Variants in TTC39C observed in about 807,000 individuals in gnomAD.
TTC39C encodes tetratricopeptide repeat domain 39C.
Under a neutral mutation model 76.3 loss-of-function variants are expected in TTC39C, and 33 were observed. The ratio of observed to expected loss-of-function variants is 0.43; its 90% CI spans 0.33 to 0.58. TTC39C has a LOEUF of 0.58. Among genes scored for constraint, TTC39C ranks in the 20% least tolerant of loss-of-function variants. The probability of loss-of-function intolerance (pLI) is 0.04; values close to 1 mark genes in which losing one functional copy is unlikely to be tolerated. For missense variants in TTC39C, 595 were observed against 701.4 expected, an observed-to-expected ratio of 0.85 and a Z score of 1.71; for synonymous variants, 254 against 260.6, an observed-to-expected ratio of 0.97 and a Z score of 0.24.
chr18:24,080,644 C>G lies in TTC39C; in HGVS notation c.520C>G (p.Leu174Val), dbSNP rs1693601863. 2 of 1,613,944 alleles carry G rather than the reference C, an allele frequency of 1.2e-6. No individual in the cohort carries two copies. Among genetic ancestry groups the G allele is most frequent in the Non-Finnish European group, 8.5e-7 (1 of 1,180,002 alleles). ...KAWKIYNKCY[L>V]DINALQELYQ... is the part of the protein sequence containing the mutation. ...CTGGAAGATTTACAATAAATGCTAT[C>G]TGGACATCAATGCCCTTCAGGAGCT... is the stretch of plus-strand genomic sequence containing the variant. Residue 174 changes from leucine (L) to valine (V), a missense_variant, in exon 5 of 14, where the codon CTG becomes GTG. Transcript: ENST00000317571.
intron 6 of TTC39C, among the ~76,000 whole-genome samples, chr18:24,084,118 G>T (rs772209989): frequency 2.0e-5 from 3 of 152,130 alleles, no homozygotes; most frequent in Non-Finnish European, 4.4e-5. Flanking sequence ...TAAATCTGAA[G>T]ACCATGCAGA....
chr18:24,116,811 A>G (rs2084897323), intron 7 of TTC39C, among the ~76,000 whole-genome samples: 2 of 138,908 alleles, frequency 1.4e-5, no homozygotes, highest in African/African-American at 5.3e-5. Flanking sequence ...CTACCTCTTG[A>G]TACCTTAGTT....
chr18:24,122,140 A>G (rs2084975415), intron 8 of TTC39C, among the ~76,000 whole-genome samples: 1 of 152,060 alleles, frequency 6.6e-6, no homozygotes, highest in Admixed American at 6.6e-5. Flanking sequence ...CTATCCTGGT[A>G]CGTGCACGCC....
At chr18:24,065,780 G>A (rs1371979931) in intron 2 of TTC39C, among the ~76,000 whole-genome samples, 1 of 152,144 alleles carries the variant, frequency 6.6e-6, no homozygotes, top group Non-Finnish European at 1.5e-5. Context: ...AACAGTAATG[G>A]CAAGGACATT....
chr18:24,068,900 C>T (rs1348937840), intron 3 of TTC39C, among the ~76,000 whole-genome samples: 2 of 152,070 alleles, frequency 1.3e-5, no homozygotes, highest in Non-Finnish European at 2.9e-5. Context: ...TGTTGCTTTT[C>T]GTATTTCCCA....
chr18:24,024,468 A>G, intron 1 of TTC39C, among the ~76,000 whole-genome samples: 1 of 152,304 alleles, frequency 6.6e-6, no homozygotes, highest in East Asian at 1.9e-4. Flanking sequence ...GTATGCTTTA[A>G]AATGAAGGAA....
intron 1 of TTC39C, among the ~76,000 whole-genome samples, chr18:24,030,842 C>T (rs984108497): frequency 1.3e-5 from 2 of 152,038 alleles, no homozygotes; most frequent in African/African-American, 2.4e-5. Flanking sequence ...GAGACAGTTT[C>T]GCCATGTTGG....
intron 1 of TTC39C, among the ~76,000 whole-genome samples, chr18:24,037,727 T>C (rs1386066599): frequency 6.6e-6 from 1 of 152,224 alleles, no homozygotes; most frequent in African/African-American, 2.4e-5. Context: ...ATGGTTCCTT[T>C]GGAAATGCAA....
chr18:24,125,413 C>G lies in TTC39C; in HGVS notation c.1297-14C>G. ...TTTTGAAAAATGTAGCCTGTTTATT[C>G]TGACTCCTTGCAGGCAGAGCGATTT... On this transcript the variant is annotated splice_polypyrimidine_tract_variant and intron_variant, in intron 9 of 13. Coordinates refer to ENST00000317571, the MANE Select transcript of TTC39C (RefSeq NM_001135993.2). The G allele has an allele frequency of 6.2e-7, 1 of 1,613,874 alleles. No individual in the cohort carries two copies. The highest frequency in any genetic ancestry group is 8.5e-7 in the Non-Finnish European group (1 of 1,179,926).
intron 1 of TTC39C, among the ~76,000 whole-genome samples, chr18:24,024,079 C>A (rs1327629990): frequency 7.2e-6 from 1 of 139,238 alleles, no homozygotes; most frequent in Non-Finnish European, 1.5e-5. Context: ...AATGGCCGAT[C>A]TTGGCTCACT....
At chr18:24,040,175 G>T (rs1258997627) in intron 1 of TTC39C, among the ~76,000 whole-genome samples, 1 of 152,176 alleles carries the variant, frequency 6.6e-6, no homozygotes, top group East Asian at 1.9e-4. Context: ...TAAAGCAGGG[G>T]ATTCTAAAAA....
At position 24,132,580 on chromosome 18, in the gene TTC39C, C is replaced by T; in HGVS notation, c.*6C>T. ...GGGAATTGGTTCCTCAGTGACAGAC[C>T]CGGAACACCCGCTCCGTCCCTCCCC... On this transcript the variant is annotated 3_prime_UTR_variant, in exon 14 of 14. Coordinates refer to ENST00000317571, the MANE Select transcript of TTC39C (RefSeq NM_001135993.2). 6.2e-7 allele frequency: 1 copy of T among 1,610,776 alleles called. No individual in the cohort carries two copies.
intron 6 of TTC39C, among the ~76,000 whole-genome samples, chr18:24,090,796 A>C (rs748758299): frequency 4.2e-5 from 5 of 119,332 alleles, no homozygotes; most frequent in Non-Finnish European, 5.2e-5. Flanking sequence ...TGATTAATTT[A>C]CTTTTTTTTT....
At position 24,134,270 on chromosome 18, in the gene TTC39C, T is replaced by TTG. The variant is rs1568450746; in HGVS notation, c.*1697_*1698insGT. ...TATTGGACATCTGTTTTTTGTTTTT[T>TTG]TTTTTTTTTTTTTTTTTTTTTGAGA... On this transcript the variant is annotated 3_prime_UTR_variant, in exon 14 of 14. Coordinates refer to ENST00000317571, the MANE Select transcript of TTC39C (RefSeq NM_001135993.2). 1.6e-5 allele frequency: 2 copies of TTG among 128,084 alleles called. No homozygotes were observed. The highest frequency in any genetic ancestry group is 3.3e-5 in the Non-Finnish European group (2 of 60,688). 7.9% of individuals were successfully genotyped at this position (128,084 alleles called of 1,614,324 possible). A position where few individuals can be genotyped will look rare whatever the true frequency, so the allele number is the denominator to read the frequency against.
intron 7 of TTC39C, among the ~76,000 whole-genome samples, chr18:24,117,707 A>C (rs1227912773): frequency 3.5e-5 from 5 of 143,886 alleles, no homozygotes; most frequent in African/African-American, 1.4e-4. Flanking sequence ...TTCTCAAAAA[A>C]AAAGAAAAAA....
chr18:24,059,156 C>G (rs1255478855), intron 1 of TTC39C, among the ~76,000 whole-genome samples: 1 of 152,034 alleles, frequency 6.6e-6, no homozygotes, highest in Non-Finnish European at 1.5e-5. Flanking sequence ...TGTTGCTGTT[C>G]TTCAGATTTG....
At chr18:24,081,671 T>C (rs1336522632) in intron 5 of TTC39C, among the ~76,000 whole-genome samples, 2 of 152,216 alleles carry the variant, frequency 1.3e-5, no homozygotes, top group Admixed American at 1.3e-4. Context: ...ACCTTACCTC[T>C]ATTTCTACTT....
At chr18:24,065,268 T>C (rs1375315725) in intron 2 of TTC39C, among the ~76,000 whole-genome samples, 3 of 152,180 alleles carry the variant, frequency 2.0e-5, no homozygotes, top group African/African-American at 7.2e-5. Context: ...TGGAATTTGA[T>C]AGGAAATGAG....
intron 3 of TTC39C, among the ~76,000 whole-genome samples, chr18:24,066,817 C>T (rs1281485254): frequency 2.0e-5 from 3 of 152,254 alleles, no homozygotes; most frequent in African/African-American, 7.2e-5. Context: ...GAGAAAGCCA[C>T]TGATGGGCCA....
Sources: gnomAD v4.1 joint callset for allele counts (sites outside exome capture counted in the v4.1 genomes callset) on GRCh38, gnomAD v4.1.1 for gene constraint, MANE v1.5 for transcripts, NCBI Gene and HGNC (gene_info 2026-07-23, HGNC 2026-07-21) for gene names.